Variants in SH3GL2 observed in about 807,000 individuals in gnomAD.
The protein encoded by SH3GL2 is SH3 domain containing GRB2 like 2, endophilin A1, also known as endophilin-A1.
SH3GL2 carries 24 observed loss-of-function variants against 46.0 expected under a neutral mutation model. The observed-to-expected ratio is 0.52, with a 90% CI of 0.38 to 0.73. SH3GL2 has a LOEUF of 0.73. Ranked by LOEUF, SH3GL2 falls within the 30% of genes least tolerant of loss-of-function variation. The pLI is 0.00. For missense variants in SH3GL2, 413 were observed against 424.2 expected (o/e 0.97, Z 0.23); for synonymous variants, 196 against 147.1 (o/e 1.33, Z -2.40).
intron 1 of SH3GL2, among the ~76,000 whole-genome samples, chr9:17,609,229 A>G (rs1451386363): frequency 3.3e-5 from 5 of 152,160 alleles, no homozygotes; most frequent in Admixed American, 3.3e-4. Context: ...AGCTTGCCCA[A>G]GATCAGTCTG....
chr9:17,794,459 G>A (rs1387118480), intron 8 of SH3GL2, among the ~76,000 whole-genome samples: 1 of 152,200 alleles, frequency 6.6e-6, no homozygotes, highest in Non-Finnish European at 1.5e-5. Context: ...GACATAAGCA[G>A]CTGTGGCTCC....
chr9:17,785,074 A>G (rs750354130), intron 3 of SH3GL2, among the ~76,000 whole-genome samples: 10 of 152,170 alleles, frequency 6.6e-5, no homozygotes, highest in Non-Finnish European at 1.3e-4. Flanking sequence ...CAAATAAGAA[A>G]TGAATTTTAT....
chr9:17,767,776 C>G (rs1823355330), intron 3 of SH3GL2, among the ~76,000 whole-genome samples: 1 of 152,062 alleles, frequency 6.6e-6, no homozygotes, highest in Non-Finnish European at 1.5e-5. Context: ...GGACAGATTA[C>G]AAAAGCAGTT....
intron 1 of SH3GL2, among the ~76,000 whole-genome samples, chr9:17,740,705 T>C (rs1456127660): frequency 6.6e-6 from 1 of 152,170 alleles, no homozygotes; most frequent in Non-Finnish European, 1.5e-5. Flanking sequence ...ATTTAGATTT[T>C]TTTGCTAAAT....
rs757581347 is a variant in SH3GL2 at position 17,786,454 on chromosome 9, T to G, written c.261T>G (p.Pro87=). The G allele has an allele frequency of 6.2e-7, 1 of 1,613,356 alleles. No individual in the cohort carries two copies. Among genetic ancestry groups the G allele is most frequent in the African/African-American group, 1.3e-5 (1 of 74,862 alleles). ...GCCAGGAGAAGGGGCCAGGCTATCC[T>G]CAGGCAGAGGCGCTGCTGGCAGAGG... ...IRGQEKGPGY[P]QAEALLAEAM... Residue 87 remains proline, a synonymous_variant, in exon 4 of 9, where the codon CCT becomes CCG. Transcript: ENST00000380607.
intron 1 of SH3GL2, among the ~76,000 whole-genome samples, chr9:17,730,743 A>G (rs549504623): frequency 2.6e-5 from 4 of 152,190 alleles, no homozygotes; most frequent in Non-Finnish European, 2.9e-5. Context: ...AACAGGTCAA[A>G]CATGATCTAA....
At chr9:17,696,956 C>G (rs1024599277) in intron 1 of SH3GL2, among the ~76,000 whole-genome samples, 7 of 151,746 alleles carry the variant, frequency 4.6e-5, no homozygotes, top group Admixed American at 1.3e-4. Flanking sequence ...ACTGAACATG[C>G]AGAAGCCTCA....
chr9:17,765,553 A>G (rs1350824162), intron 3 of SH3GL2, among the ~76,000 whole-genome samples: 1 of 152,210 alleles, frequency 6.6e-6, no homozygotes, highest in African/African-American at 2.4e-5. Context: ...AAACCCTTCC[A>G]TGGCTTTTCA....
At chr9:17,685,550 A>G (rs1031217580) in intron 1 of SH3GL2, among the ~76,000 whole-genome samples, 1 of 152,094 alleles carries the variant, frequency 6.6e-6, no homozygotes, top group African/African-American at 2.4e-5. Flanking sequence ...GGGAAGACCT[A>G]GGTTTTCTTC....
At chr9:17,785,958 T>G (rs762701440) in intron 3 of SH3GL2, among the ~76,000 whole-genome samples, 7 of 152,164 alleles carry the variant, frequency 4.6e-5, no homozygotes, top group Non-Finnish European at 1.0e-4. Context: ...ATTTTAATCC[T>G]TAGACTCCTA....
At chr9:17,783,995 A>C (rs1435699554) in intron 3 of SH3GL2, among the ~76,000 whole-genome samples, 1 of 152,196 alleles carries the variant, frequency 6.6e-6, no homozygotes, top group Non-Finnish European at 1.5e-5. Flanking sequence ...TAACATTTAA[A>C]GATGGTTAAT....
intron 1 of SH3GL2, among the ~76,000 whole-genome samples, chr9:17,695,484 C>T (rs1014499414): frequency 5.3e-5 from 8 of 152,040 alleles, no homozygotes; most frequent in African/African-American, 7.2e-5. Flanking sequence ...GTAAGGTTTT[C>T]GGTGTCACAT....
At chr9:17,660,949 G>A (rs1212101208) in intron 1 of SH3GL2, among the ~76,000 whole-genome samples, 1 of 152,096 alleles carries the variant, frequency 6.6e-6, no homozygotes, top group Non-Finnish European at 1.5e-5. Context: ...ATCACTTGAG[G>A]CCAGGAGTTC....
chr9:17,770,186 G>A (rs1451344304), intron 3 of SH3GL2, among the ~76,000 whole-genome samples: 1 of 152,160 alleles, frequency 6.6e-6, no homozygotes, highest in Non-Finnish European at 1.5e-5. Context: ...AAGTGTGGAT[G>A]TGCATACTGT....
chr9:17,695,808 A>G (rs1363761912), intron 1 of SH3GL2, among the ~76,000 whole-genome samples: 1 of 149,370 alleles, frequency 6.7e-6, no homozygotes, highest in African/African-American at 2.6e-5. Context: ...TGTGAAAAAA[A>G]TCTTGATGTC....
intron 1 of SH3GL2, among the ~76,000 whole-genome samples, chr9:17,662,302 C>G (rs916765615): frequency 1.3e-5 from 2 of 152,128 alleles, no homozygotes; most frequent in African/African-American, 2.4e-5. Context: ...TGTGTCTGGC[C>G]TTGTGTGACC....
At chr9:17,607,049 G>T (rs1291428866) in intron 1 of SH3GL2, among the ~76,000 whole-genome samples, 2 of 152,156 alleles carry the variant, frequency 1.3e-5, no homozygotes, top group Non-Finnish European at 2.9e-5. Context: ...GAGGGAGTTT[G>T]TGTGTCTGGG....
At chr9:17,759,698 C>G (rs1823112692) in intron 2 of SH3GL2, among the ~76,000 whole-genome samples, 1 of 152,052 alleles carries the variant, frequency 6.6e-6, no homozygotes, top group African/African-American at 2.4e-5. Flanking sequence ...GATGGGGGAA[C>G]CTTAGAAATT....
chr9:17,617,420 A>G (rs1272786408), intron 1 of SH3GL2, among the ~76,000 whole-genome samples: 3 of 152,196 alleles, frequency 2.0e-5, no homozygotes, highest in African/African-American at 7.2e-5. Context: ...ATTGGAGTAG[A>G]AGGCAAATGG....
Sources: allele counts gnomAD v4.1 joint callset (sites outside exome capture counted in the v4.1 genomes callset), GRCh38; gene constraint gnomAD v4.1.1; transcripts MANE v1.5; gene names NCBI Gene and HGNC (gene_info 2026-07-23, HGNC 2026-07-21).